CACNA1H: variants seen among roughly 807,000 people sequenced by gnomAD.
The protein encoded by CACNA1H is calcium voltage-gated channel subunit alpha1 H, also known as voltage-dependent T-type calcium channel subunit alpha-1H.
Under a neutral mutation model 192.5 loss-of-function variants are expected in CACNA1H, and 149 were observed. The observed-to-expected ratio is 0.77, with a 90% CI of 0.68 to 0.89. CACNA1H has a LOEUF of 0.89. Ranked by LOEUF, CACNA1H falls within the 40% of genes least tolerant of loss-of-function variation. The pLI is 0.00. For synonymous variants in CACNA1H, 2,202 were observed against 1,475.2 expected (o/e 1.49, Z -11.29); for missense variants, 4,257 against 3,423.5 (o/e 1.24, Z -6.08).
intron 17 of CACNA1H, 150 bp from the exon 18 acceptor site, chr16:1,209,885 A>G: frequency 1.6e-6 from 1 of 640,636 alleles, no homozygotes; most frequent in Non-Finnish European, 2.7e-6. Flanking sequence ...GAGGCCAGAA[A>G]GCCAGAGCCC....
At chr16:1,154,991 G>C (rs1335011353) in intron 2 of CACNA1H, among the ~76,000 whole-genome samples, 3 of 152,188 alleles carry the variant, frequency 2.0e-5, no homozygotes, top group Non-Finnish European at 2.9e-5. Context: ...CGGGCCTGGG[G>C]ACGGGTGGAG....
chr16:1,153,232 A>C lies in CACNA1H; in HGVS notation c.-257A>C. On this transcript the variant is annotated 5_prime_UTR_variant, in exon 1 of 35. Coordinates refer to ENST00000348261, the MANE Select transcript of CACNA1H (RefSeq NM_021098.3). ...CTCACCCGTCCGCTCAGCGGCCTCC[A>C]CGCCGCGCCGAGGCCGCCGCCGTCG... 7.1e-6 allele frequency: 1 copy of C among 140,766 alleles called. No homozygotes were observed. 8.7% of individuals were successfully genotyped at this position (140,766 alleles called of 1,614,324 possible).
At chr16:1,208,971 A>G (rs1969094042) in intron 16 of CACNA1H, 61 bp from the exon 17 acceptor site, 3 of 1,391,240 alleles carry the variant, frequency 2.2e-6, no homozygotes, top group Admixed American at 3.1e-5. Flanking sequence ...GGTGCTCCGT[A>G]ATGACAGCGG....
Position 1,211,806 on chromosome 16 carries a change from G to A in CACNA1H, c.4566+1G>A. ...GGATGCCGTGGGTGTCGACCAGCAG[G>A]TGCGCACAGGCGGGTCGAGCTGGGT... On this transcript the variant is annotated splice_donor_variant, in intron 24 of 34. Coordinates refer to ENST00000348261, the MANE Select transcript of CACNA1H (RefSeq NM_021098.3). LOFTEE classifies it high-confidence loss of function. 2 of 1,612,532 alleles carry A rather than the reference G, an allele frequency of 1.2e-6. No individual in the cohort carries two copies. The highest frequency in any genetic ancestry group is 1.7e-6 in the Non-Finnish European group (2 of 1,179,688).
At chr16:1,161,018 C>A (rs1963131027) in intron 2 of CACNA1H, among the ~76,000 whole-genome samples, 1 of 152,156 alleles carries the variant, frequency 6.6e-6, no homozygotes, top group Non-Finnish European at 1.5e-5. Context: ...CCCCACGCTG[C>A]CTCGGGGTGA....
intron 33 of CACNA1H, 45 bp from the exon 34 acceptor site, chr16:1,218,925 G>C (rs1204949257): frequency 6.5e-7 from 1 of 1,543,500 alleles, no homozygotes; most frequent in Admixed American, 2.0e-5. Flanking sequence ...AGCTGGGCAG[G>C]AAGGCAGGGG....
chr16:1,183,481 ACCT>A (rs1272308905), intron 2 of CACNA1H, among the ~76,000 whole-genome samples: 3 of 151,944 alleles, frequency 2.0e-5, no homozygotes, highest in African/African-American at 7.3e-5. Flanking sequence ...AGGAAGAGAA[ACCT>A]CCTTCAGTCA....
intron 2 of CACNA1H, among the ~76,000 whole-genome samples, chr16:1,193,691 A>G (rs1364850355): frequency 1.3e-5 from 2 of 149,678 alleles, no homozygotes; most frequent in African/African-American, 4.9e-5. Flanking sequence ...TAATTACCGC[A>G]CTCTTGGTGG....
chr16:1,212,464 G>C (rs551130266), intron 25 of CACNA1H, 47 bp from the exon 26 acceptor site: 3 of 1,584,590 alleles, frequency 1.9e-6, no homozygotes, highest in South Asian at 1.1e-5. Flanking sequence ...CTCCAGGCCC[G>C]AGTGCGCCAC....
rs1297579420 is a variant in CACNA1H, at chr16:1,204,550, C to T, written c.2451+92C>T. ...GGCTTCCAGCAGCCCCGATGCCTGACCTGATGGTAGGACGGTCAGGCAGGG... is the reference window on the plus strand; with the variant it reads ...GGCTTCCAGCAGCCCCGATGCCTGATCTGATGGTAGGACGGTCAGGCAGGG... On this transcript the variant is annotated intron_variant, in intron 10 of 34. Coordinates refer to ENST00000348261, the MANE Select transcript of CACNA1H (RefSeq NM_021098.3). 8.8e-6 allele frequency: 9 copies of T among 1,018,104 alleles called. No individual in the cohort carries two copies. In the Admixed American group the frequency reaches 1.3e-4, roughly 15 times the overall value. 63.1% of individuals were successfully genotyped at this position (1,018,104 alleles called of 1,614,324 possible).
intron 2 of CACNA1H, among the ~76,000 whole-genome samples, chr16:1,176,314 G>C (rs897481911): frequency 2.0e-5 from 3 of 152,248 alleles, no homozygotes; most frequent in African/African-American, 7.2e-5. Context: ...AGGCGCAGCA[G>C]CAATGTCTCG....
chr16:1,186,745 G>A (rs372542766), intron 2 of CACNA1H, among the ~76,000 whole-genome samples: 59 of 152,310 alleles, frequency 3.9e-4, no homozygotes, highest in African/African-American at 1.3e-3. Flanking sequence ...CTTCCTGGCC[G>A]GTGAATGTGC....
intron 6 of CACNA1H, among the ~76,000 whole-genome samples, chr16:1,199,718 T>C (rs1347105769): frequency 6.8e-6 from 1 of 146,814 alleles, no homozygotes; most frequent in Non-Finnish European, 1.5e-5. Context: ...CCCCTCAGCC[T>C]TCACCCCAGG....
chr16:1,202,530 C>T lies in CACNA1H; in HGVS notation c.2002+78C>T, dbSNP rs572948087. The T allele has an allele frequency of 1.2e-4, 157 of 1,290,928 alleles. No homozygotes were observed. The African/African-American group carries it at 2.2e-3, about 18-fold the overall frequency. 80.0% of individuals were successfully genotyped at this position (1,290,928 alleles called of 1,614,324 possible). ...GGCAGGGTCTCCGGTGTGTCATTCC[C>T]ACACCCATTGTGGGCACTCTGATGA... On this transcript the variant is annotated intron_variant, in intron 9 of 34. Transcript: ENST00000348261.
At position 1,183,553 on chromosome 16, in the gene CACNA1H, A is replaced by G. The variant is rs532765104; in HGVS notation, c.300-11419A>G. Among the ~76,000 whole-genome samples, 450 of 151,628 alleles carry G rather than the reference A, an allele frequency of 3.0e-3. 2 individuals are homozygous for G. Among genetic ancestry groups the G allele is most frequent in the African/African-American group, 0.01 (423 of 41,326 alleles). On this transcript the variant is annotated intron_variant, in intron 2 of 34. Coordinates refer to ENST00000348261, the MANE Select transcript of CACNA1H (RefSeq NM_021098.3). Reference sequence around the variant, plus strand: ...TGGCTGCCTTGCCCTCCCCCTTCCCACCCAGTTCCCTCCCGCTAAGAGGCC... The same window carrying G: ...TGGCTGCCTTGCCCTCCCCCTTCCCGCCCAGTTCCCTCCCGCTAAGAGGCC...
chr16:1,204,439 G>C lies in CACNA1H; in HGVS notation c.2432G>C (p.Gly811Ala). ...ATCCTTGTCAACACGCTGAGCATGG[G>C]CGTGGAGTACCATGAGCAGGTGCGG... ...MAILVNTLSM[G>A]VEYHEQPEEL... Residue 811 changes from glycine (G) to alanine (A), a missense_variant, in exon 10 of 35, where the codon GGC becomes GCC. By Grantham distance (60) the Gly-to-Ala change is moderately conservative (BLOSUM62 0). Transcript: ENST00000348261. The C allele has an allele frequency of 1.3e-6, 2 of 1,541,548 alleles. No individual in the cohort carries two copies. Among genetic ancestry groups the C allele is most frequent in the Non-Finnish European group, 8.7e-7 (1 of 1,144,824 alleles).
chr16:1,182,796 C>G (rs561277685), intron 2 of CACNA1H, among the ~76,000 whole-genome samples: 1 of 152,224 alleles, frequency 6.6e-6, no homozygotes, highest in East Asian at 1.9e-4. Context: ...GGCGGGGACC[C>G]CCACCCTGGC....
intron 6 of CACNA1H, 89 bp downstream of exon 6, chr16:1,198,863 T>C: frequency 5.3e-6 from 7 of 1,324,498 alleles, no homozygotes; most frequent in Non-Finnish European, 7.2e-6. Flanking sequence ...CCGCCCCACG[T>C]GGCTCTGCCC....
chr16:1,172,819 T>A (rs1191891003), intron 2 of CACNA1H, among the ~76,000 whole-genome samples: 4 of 151,986 alleles, frequency 2.6e-5, no homozygotes, highest in African/African-American at 9.7e-5. Flanking sequence ...CCCAGGGCTG[T>A]GGGCTGGGAG....
Sources: allele counts gnomAD v4.1 joint callset (sites outside exome capture counted in the v4.1 genomes callset), GRCh38; gene constraint gnomAD v4.1.1; transcripts MANE v1.5; gene names NCBI Gene and HGNC (gene_info 2026-07-23, HGNC 2026-07-21).